Variants in AIG1 observed in about 807,000 individuals in gnomAD.
AIG1 encodes androgen-induced gene 1 protein.
Under a neutral mutation model 31.4 loss-of-function variants are expected in AIG1, and 23 were observed. That is an observed-to-expected ratio of 0.73 (90% confidence interval 0.53 to 1.04). AIG1 has a LOEUF of 1.04. AIG1 is among the 50% of genes least tolerant of loss of function. The pLI, the probability that AIG1 is intolerant of heterozygous loss-of-function variation, is 0.00. For synonymous variants in AIG1, 100 were observed against 110.5 expected, an observed-to-expected ratio of 0.90 and a Z score of 0.60; for missense variants, 274 against 295.0, an observed-to-expected ratio of 0.93 and a Z score of 0.52.
rs757399585 is a variant in AIG1, at chr6:143,137,000, A to C, written c.297+10A>C. 47 of 1,387,316 alleles carry C rather than the reference A, an allele frequency of 3.4e-5. No individual in the cohort carries two copies. The highest frequency in any genetic ancestry group is 4.5e-5 in the Non-Finnish European group (47 of 1,055,170). 85.9% of individuals were successfully genotyped at this position (1,387,316 alleles called of 1,614,324 possible). A position where few individuals can be genotyped will look rare whatever the true frequency, so the allele number is the denominator to read the frequency against. On this transcript the variant is annotated intron_variant, in intron 2 of 5. Transcript: ENST00000357847. ...CTTTCCTGTTGGGGTTGTGAGTATG[A>C]TGGAGGATGCATTTAGCCACAAAAG...
chr6:143,203,260 C>A (rs1404489630), intron 3 of AIG1, among the ~76,000 whole-genome samples: 2 of 152,122 alleles, frequency 1.3e-5, no homozygotes, highest in African/African-American at 4.8e-5. Flanking sequence ...GTCCTGTGGC[C>A]AGGATTCTAG....
intron 3 of AIG1, among the ~76,000 whole-genome samples, chr6:143,283,015 G>C (rs1797448486): frequency 6.6e-6 from 1 of 152,146 alleles, no homozygotes; most frequent in African/African-American, 2.4e-5. Context: ...CCTGCTGATG[G>C]GTCAGTTTTC....
At chr6:143,305,103 G>A (rs568618157) in intron 4 of AIG1, among the ~76,000 whole-genome samples, 60 of 151,968 alleles carry the variant, frequency 3.9e-4, no homozygotes, top group African/African-American at 1.2e-3. Flanking sequence ...TGTGTCTATC[G>A]GATTCTTCTC....
At chr6:143,213,488 G>C (rs1791747454) in intron 3 of AIG1, among the ~76,000 whole-genome samples, 1 of 125,182 alleles carries the variant, frequency 8.0e-6, no homozygotes, top group Admixed American at 8.0e-5. Flanking sequence ...TGTCTGGAAA[G>C]TTCTTTCTTT....
At chr6:143,205,011 A>G (rs372379214) in intron 3 of AIG1, among the ~76,000 whole-genome samples, 3 of 152,160 alleles carry the variant, frequency 2.0e-5, no homozygotes, top group East Asian at 3.9e-4. Context: ...TTTACCAGAC[A>G]TGTCTTCCAC....
At chr6:143,343,058 C>T, downstream of AIG1, 1 of 786,728 alleles carries the variant, frequency 1.3e-6, no homozygotes, top group South Asian at 1.3e-5. Context: ...AGATATGGAC[C>T]ATCACTTGGT....
chr6:143,188,542 A>T, intron 3 of AIG1: 1 of 985,340 alleles, frequency 1.0e-6, no homozygotes, highest in Non-Finnish European at 1.2e-6. Flanking sequence ...AGACAGTCCA[A>T]GTTTGGGGCA....
chr6:143,245,356 A>C (rs1260916969), intron 3 of AIG1, among the ~76,000 whole-genome samples: 1 of 152,234 alleles, frequency 6.6e-6, no homozygotes, highest in Non-Finnish European at 1.5e-5. Flanking sequence ...AAAAAGCAAC[A>C]CAGCTTCCAG....
downstream of AIG1, chr6:143,342,988 T>C: frequency 2.0e-6 from 2 of 983,038 alleles, no homozygotes; most frequent in Non-Finnish European, 3.3e-6. Context: ...CATGGCAGTG[T>C]ACCTATCTGC....
chr6:143,296,084 C>T (rs1798407427), intron 4 of AIG1, among the ~76,000 whole-genome samples: 1 of 152,026 alleles, frequency 6.6e-6, no homozygotes, highest in Admixed American at 6.6e-5. Context: ...CACGCACACA[C>T]ATACACACAC....
chr6:143,080,675 C>T (rs1056702847), intron 1 of AIG1, among the ~76,000 whole-genome samples: 2 of 152,082 alleles, frequency 1.3e-5, no homozygotes, highest in Non-Finnish European at 2.9e-5. Flanking sequence ...ATTCTAGTTA[C>T]TTTCCTCACG....
At chr6:143,238,133 G>A (rs1312664139) in intron 3 of AIG1, among the ~76,000 whole-genome samples, 2 of 152,224 alleles carry the variant, frequency 1.3e-5, no homozygotes, top group South Asian at 2.1e-4. Flanking sequence ...TAGAGACGGG[G>A]TTTCACCATG....
At chr6:143,060,813 C>T (rs527334051), upstream of AIG1, 4,203 of 159,262 alleles carry the variant, frequency 0.026, 109 homozygotes, top group Non-Finnish European at 0.036. Context: ...CGCCCCGCCC[C>T]GCCCCGCGCC....
Sources: gnomAD v4.1 joint callset for allele counts (sites outside exome capture counted in the v4.1 genomes callset) on GRCh38, gnomAD v4.1.1 for gene constraint, MANE v1.5 for transcripts, NCBI Gene and HGNC (gene_info 2026-07-23, HGNC 2026-07-21) for gene names.